Variants in CARMIL1 observed in about 807,000 individuals in gnomAD.
CARMIL1 encodes capping protein regulator and myosin 1 linker 1, also known as F-actin-uncapping protein LRRC16A.
CARMIL1 carries 90 observed loss-of-function variants against 177.1 expected under a neutral mutation model. The ratio of observed to expected loss-of-function variants is 0.51; its 90% CI spans 0.43 to 0.61. CARMIL1 has a LOEUF of 0.61. Among genes scored for constraint, CARMIL1 ranks in the 20% least tolerant of loss-of-function variants. The pLI, the probability that CARMIL1 is intolerant of heterozygous loss-of-function variation, is 0.00. For synonymous variants in CARMIL1, 577 were observed against 606.2 expected (o/e 0.95, Z 0.71); for missense variants, 1,380 against 1,667.0 (o/e 0.83, Z 3.00).
At chr6:25,449,707 G>A (rs917743530) in intron 5 of CARMIL1, among the ~76,000 whole-genome samples, 191 bp from the exon 6 acceptor site, 16 of 152,176 alleles carry the variant, frequency 1.1e-4, no homozygotes, top group African/African-American at 3.9e-4. Flanking sequence ...GAAAGTTATA[G>A]GGATTTATTA....
intron 2 of CARMIL1, among the ~76,000 whole-genome samples, chr6:25,332,764 C>CACACGCAT (rs1554165907): frequency 6.8e-6 from 1 of 145,988 alleles, no homozygotes; most frequent in Non-Finnish European, 1.5e-5. Context: ...CACACACACA[C>CACACGCAT]ACACACACGC....
At chr6:25,525,863 T>G (rs926175961) in intron 23 of CARMIL1, among the ~76,000 whole-genome samples, 1 of 152,178 alleles carries the variant, frequency 6.6e-6, no homozygotes. Flanking sequence ...TACAAAATGC[T>G]TAATTAAAAC....
chr6:25,375,510 T>G (rs1423799468), intron 2 of CARMIL1, among the ~76,000 whole-genome samples: 1 of 152,250 alleles, frequency 6.6e-6, no homozygotes, highest in East Asian at 1.9e-4. Context: ...TTATTTATGC[T>G]TCTTGCATTT....
intron 2 of CARMIL1, among the ~76,000 whole-genome samples, chr6:25,318,891 T>C (rs1032733610): frequency 6.6e-6 from 1 of 152,184 alleles, no homozygotes; most frequent in African/African-American, 2.4e-5. Context: ...CAGAGAAGGA[T>C]GAAATGCTCT....
intron 2 of CARMIL1, among the ~76,000 whole-genome samples, chr6:25,294,642 A>G (rs1315110290): frequency 1.3e-5 from 2 of 152,112 alleles, no homozygotes; most frequent in Non-Finnish European, 2.9e-5. Context: ...CCTCCTATCC[A>G]TGAGTGCAGT....
intron 2 of CARMIL1, among the ~76,000 whole-genome samples, chr6:25,293,248 G>T (rs993099404): frequency 1.7e-4 from 25 of 144,034 alleles, no homozygotes; most frequent in African/African-American, 6.1e-4. Flanking sequence ...GGGCAAAGAG[G>T]GGAAAGAAGG....
chr6:25,399,992 G>A (rs2150575821), intron 2 of CARMIL1, among the ~76,000 whole-genome samples: 1 of 152,292 alleles, frequency 6.6e-6, no homozygotes, highest in Admixed American at 6.5e-5. Flanking sequence ...AGGTGTAGGG[G>A]ATCTGATAAT....
intron 24 of CARMIL1, among the ~76,000 whole-genome samples, chr6:25,533,845 A>G (rs111640013): frequency 7.2e-5 from 11 of 152,130 alleles, no homozygotes; most frequent in East Asian, 1.9e-4. Flanking sequence ...TATCTTCCCA[A>G]TTATTTTTTT....
At chr6:25,498,831 G>A (rs773935181) in intron 16 of CARMIL1, among the ~76,000 whole-genome samples, 2 of 152,110 alleles carry the variant, frequency 1.3e-5, no homozygotes, top group African/African-American at 2.4e-5. Context: ...GAAAGAAAGG[G>A]GGCATAGTAA....
At chr6:25,342,984 G>A in intron 2 of CARMIL1, among the ~76,000 whole-genome samples, 1 of 152,184 alleles carries the variant, frequency 6.6e-6, no homozygotes. Context: ...CACAAAACAA[G>A]CACACGGCTT....
intron 4 of CARMIL1, among the ~76,000 whole-genome samples, chr6:25,429,207 T>G (rs1324906399): frequency 6.6e-6 from 1 of 152,214 alleles, no homozygotes; most frequent in Non-Finnish European, 1.5e-5. Flanking sequence ...GCTTGCTTAC[T>G]TCTTACCATG....
chr6:25,297,324 T>A (rs1782487371), intron 2 of CARMIL1, among the ~76,000 whole-genome samples: 1 of 152,258 alleles, frequency 6.6e-6, no homozygotes, highest in Non-Finnish European at 1.5e-5. Flanking sequence ...GTCTTGCTCC[T>A]TATCAGAATT....
At chr6:25,484,703 T>G (rs902055277) in intron 12 of CARMIL1, among the ~76,000 whole-genome samples, 5 of 152,260 alleles carry the variant, frequency 3.3e-5, no homozygotes, top group African/African-American at 1.2e-4. Context: ...CCCTTGTTCC[T>G]TAGTCCTTTG....
chr6:25,389,044 C>T (rs1299423311), intron 2 of CARMIL1: 1 of 152,252 alleles, frequency 6.6e-6, no homozygotes, highest in Non-Finnish European at 1.5e-5. Flanking sequence ...TTAGCTTTTA[C>T]TCCTTACTGA....
chr6:25,388,433 C>T (rs1283748291), intron 2 of CARMIL1, among the ~76,000 whole-genome samples: 1 of 152,028 alleles, frequency 6.6e-6, no homozygotes, highest in Non-Finnish European at 1.5e-5. Context: ...GTGGAGCGAT[C>T]TCAGCTCACT....
chr6:25,495,091 A>C lies in CARMIL1; in HGVS notation c.1221-20A>C, dbSNP rs1373978196. Reference sequence around the variant, plus strand: ...TTGATGAAGGTGTAACCGCTTGTGTAACTCTTGTGTTTTTTTCAGGAAAGG... The same window carrying C: ...TTGATGAAGGTGTAACCGCTTGTGTCACTCTTGTGTTTTTTTCAGGAAAGG... On this transcript the variant is annotated intron_variant, in intron 15 of 36. Coordinates refer to ENST00000329474, the MANE Select transcript of CARMIL1 (RefSeq NM_017640.6). The C allele has an allele frequency of 1.6e-5, 23 of 1,441,660 alleles. No homozygotes were observed. The highest frequency in any genetic ancestry group is 2.1e-5 in the Non-Finnish European group (22 of 1,024,612). The allele number at this position is 1,441,660 out of a possible 1,614,324, so 89.3% of individuals were successfully genotyped here. A position where few individuals can be genotyped will look rare whatever the true frequency, so the allele number is the denominator to read the frequency against.
chr6:25,292,955 A>G (rs1165573976), intron 2 of CARMIL1, among the ~76,000 whole-genome samples: 2 of 152,310 alleles, frequency 1.3e-5, no homozygotes, highest in Non-Finnish European at 2.9e-5. Flanking sequence ...TAAAGACTTT[A>G]GTAAAAGGTT....
At chr6:25,531,495 C>T (rs62392357) in intron 24 of CARMIL1, among the ~76,000 whole-genome samples, 2,004 of 152,140 alleles carry the variant, frequency 0.013, 33 homozygotes, top group East Asian at 0.047. Flanking sequence ...ATTCTCTTCT[C>T]AGTATGGTTT....
intron 26 of CARMIL1, 128 bp from the exon 27 acceptor site, chr6:25,550,782 G>T: frequency 1.3e-6 from 1 of 773,002 alleles, no homozygotes; most frequent in Non-Finnish European, 2.1e-6. Context: ...TCTTGGTTGC[G>T]CTCTGGGACT....
Sources: allele counts gnomAD v4.1 joint callset (sites outside exome capture counted in the v4.1 genomes callset), GRCh38; gene constraint gnomAD v4.1.1; transcripts MANE v1.5; gene names NCBI Gene and HGNC (gene_info 2026-07-23, HGNC 2026-07-21).